CDH13: variants seen among roughly 807,000 people sequenced by gnomAD.
CDH13 encodes the protein cadherin-13.
A neutral mutation model predicts 63.8 loss-of-function variants in CDH13; 24 were observed. That is an observed-to-expected ratio of 0.38 (90% CI 0.27 to 0.53). CDH13 has a LOEUF of 0.53. Among genes scored for constraint, CDH13 ranks in the 20% least tolerant of loss-of-function variants. The pLI is 0.85. For missense variants in CDH13, 1,049 were observed against 903.1 expected (o/e 1.16, Z -2.07); for synonymous variants, 503 against 355.3 (o/e 1.42, Z -4.67).
chr16:83,525,576 G>A (rs543188479), intron 7 of CDH13, among the ~76,000 whole-genome samples: 1 of 152,172 alleles, frequency 6.6e-6, no homozygotes, highest in Admixed American at 6.5e-5. Flanking sequence ...AGACCTTGTC[G>A]TGTGAACCTC....
intron 1 of CDH13, among the ~76,000 whole-genome samples, chr16:82,739,732 C>G (rs958028369): frequency 6.6e-6 from 1 of 152,136 alleles, no homozygotes; most frequent in Admixed American, 6.5e-5. Context: ...ACTTTGTCAA[C>G]TTTTTCCAAA....
chr16:82,897,641 C>T (rs936413289), intron 2 of CDH13, among the ~76,000 whole-genome samples: 1 of 152,250 alleles, frequency 6.6e-6, no homozygotes, highest in African/African-American at 2.4e-5. Context: ...GCTCTGTCTT[C>T]TGAAGTTGAC....
In CDH13 at chr16:83,090,194, T is replaced by A. The variant is rs193104663; in HGVS notation, c.367-35191T>A. Among the ~76,000 whole-genome samples the A allele has an allele frequency of 1.1e-3, 173 of 152,280 alleles. 1 individual carries two copies. Among genetic ancestry groups the A allele is most frequent in the African/African-American group, 4.0e-3 (168 of 41,556 alleles). ...CCAACTACCTCCCACTTTTCCTCAA[T>A]TTCAGGCTCTTTCGTGCCTCCAGCC... On this transcript the variant is annotated intron_variant, in intron 3 of 13. Coordinates refer to ENST00000567109, the MANE Select transcript of CDH13 (RefSeq NM_001257.5).
At chr16:82,741,386 C>G (rs1041335987) in intron 1 of CDH13, among the ~76,000 whole-genome samples, 7 of 152,230 alleles carry the variant, frequency 4.6e-5, no homozygotes, top group African/African-American at 1.4e-4. Flanking sequence ...TTTACAACGT[C>G]TGCACATCCT....
intron 1 of CDH13, among the ~76,000 whole-genome samples, chr16:82,847,908 T>TTTTC (rs1407806302): frequency 4.2e-4 from 64 of 151,808 alleles, no homozygotes; most frequent in African/African-American, 1.4e-3. Context: ...TTTTTTTTTT[T>TTTTC]TGTACTTCAC....
chr16:83,118,824 AC>A (rs1454604381), intron 3 of CDH13, among the ~76,000 whole-genome samples: 1 of 151,418 alleles, frequency 6.6e-6, no homozygotes, highest in African/African-American at 2.4e-5. Context: ...GGCTGATGTA[AC>A]TGCTGATTCC....
rs756844839 is a variant in CDH13, at chr16:83,341,989, CCACACACA to C, written c.637-2837_637-2830del. 3.9e-3 allele frequency among the ~76,000 whole-genome samples: 535 copies of C among 138,148 alleles called. 2 individuals are homozygous for C. The highest frequency in any genetic ancestry group is 0.013 in the African/African-American group (462 of 36,918). The allele number at this position is 138,148 out of a possible 152,430, so 90.6% of individuals were successfully genotyped here. On this transcript the variant is annotated intron_variant, in intron 5 of 13. Coordinates refer to ENST00000567109, the MANE Select transcript of CDH13 (RefSeq NM_001257.5). The stretch of plus-strand genomic sequence containing the variant: ...ATTTATTTTGAATAGGTGTCCCCTG[CCACACACA>C]CACACACACACACACACACACACAC...
intron 5 of CDH13, among the ~76,000 whole-genome samples, chr16:83,270,143 A>G (rs184415288): frequency 2.6e-5 from 4 of 152,328 alleles, no homozygotes; most frequent in African/African-American, 9.6e-5. Flanking sequence ...CTGTTTCTTT[A>G]TACACTGTTA....
intron 3 of CDH13, among the ~76,000 whole-genome samples, chr16:83,080,385 A>T (rs1368238298): frequency 6.6e-6 from 1 of 152,202 alleles, no homozygotes; most frequent in Non-Finnish European, 1.5e-5. Flanking sequence ...TATGCCAAGT[A>T]TTTATTCAAG....
intron 1 of CDH13, among the ~76,000 whole-genome samples, chr16:82,674,572 A>T (rs1369472350): frequency 6.6e-6 from 1 of 152,226 alleles, no homozygotes; most frequent in Non-Finnish European, 1.5e-5. Flanking sequence ...ATCACCTGAG[A>T]AGTCCTTGGA....
intron 6 of CDH13, among the ~76,000 whole-genome samples, chr16:83,364,182 A>G (rs1361309156): frequency 6.6e-6 from 1 of 152,162 alleles, no homozygotes; most frequent in Admixed American, 6.5e-5. Flanking sequence ...TTGGTAGGAA[A>G]TTGACTATCT....
At chr16:83,032,382 C>A in intron 3 of CDH13, 164 bp downstream of exon 3, 1 of 599,386 alleles carries the variant, frequency 1.7e-6, no homozygotes, top group Non-Finnish European at 2.9e-6. Context: ...TGAGGGGCAG[C>A]GGGAATTAAT....
chr16:82,929,586 A>G (rs1047252753), intron 2 of CDH13, among the ~76,000 whole-genome samples: 43 of 137,936 alleles, frequency 3.1e-4, no homozygotes, highest in African/African-American at 1.2e-3. Flanking sequence ...CGGGAGGCGG[A>G]GCTTGCAGTG....
In CDH13 at chr16:83,578,970, G is replaced by A. The variant is rs114219016; in HGVS notation, c.961-23484G>A. On this transcript the variant is annotated intron_variant, in intron 7 of 13. Coordinates refer to ENST00000567109, the MANE Select transcript of CDH13 (RefSeq NM_001257.5). ...CGGAGTCAATCTTTGAACACTTTCC[G>A]CCTACTGAGTGTCTGTTCCTGTTAT... is the stretch of plus-strand genomic sequence containing the variant. 5.0e-3 allele frequency among the ~76,000 whole-genome samples: 761 copies of A among 152,292 alleles called. 9 individuals are homozygous for A. The highest frequency in any genetic ancestry group is 0.017 in the African/African-American group (719 of 41,562).
intron 7 of CDH13, among the ~76,000 whole-genome samples, chr16:83,568,732 C>T (rs1904315889): frequency 6.6e-6 from 1 of 152,264 alleles, no homozygotes; most frequent in East Asian, 1.9e-4. Context: ...GTGTCTTTTC[C>T]AGCAGTTGTA....
intron 3 of CDH13, among the ~76,000 whole-genome samples, chr16:83,111,002 C>CAAAAAAAAAAAAAAAAA (rs398030036): frequency 9.4e-6 from 1 of 106,292 alleles, no homozygotes; most frequent in African/African-American, 3.8e-5. Context: ...TAGGTTGTTG[C>CAAAAAAAAAAAAAAAAA]AAAAAAAAAA....
At chr16:82,990,152 G>C (rs1911480971) in intron 2 of CDH13, 1 of 151,866 alleles carries the variant, frequency 6.6e-6, no homozygotes, top group African/African-American at 2.4e-5. Context: ...ACCCCAATCT[G>C]TTGCGTCTAG....
At chr16:83,710,443 A>G (rs896030595) in intron 10 of CDH13, 4 of 152,210 alleles carry the variant, frequency 2.6e-5, no homozygotes, top group African/African-American at 9.7e-5. Context: ...AAGTGCTGGC[A>G]TGGAACTTGG....
At chr16:82,900,181 C>T (rs1196469106) in intron 2 of CDH13, among the ~76,000 whole-genome samples, 1 of 152,216 alleles carries the variant, frequency 6.6e-6, no homozygotes, top group Non-Finnish European at 1.5e-5. Flanking sequence ...TTTTAGATCA[C>T]ATCTTTATTC....
Sources: gnomAD v4.1 joint callset for allele counts (sites outside exome capture counted in the v4.1 genomes callset) on GRCh38, gnomAD v4.1.1 for gene constraint, MANE v1.5 for transcripts, NCBI Gene and HGNC (gene_info 2026-07-23, HGNC 2026-07-21) for gene names.